The following MLIP variants were observed in gnomAD, a reference collection of about 807,000 sequenced individuals.
The protein encoded by MLIP is muscular LMNA interacting protein, also known as muscular LMNA-interacting protein.
In MLIP, 79 loss-of-function variants were observed where a neutral mutation model predicts 84.8. The observed-to-expected ratio is 0.93, with a 90% CI of 0.78 to 1.12. The LOEUF (loss-of-function observed/expected upper bound fraction) is 1.12. MLIP is among the 50% of genes most tolerant of loss of function. The pLI, the probability that MLIP is intolerant of heterozygous loss-of-function variation, is 0.00. For missense variants in MLIP, 1,257 were observed against 1,160.6 expected, an observed-to-expected ratio of 1.08 and a Z score of -1.21; for synonymous variants, 504 against 463.0, an observed-to-expected ratio of 1.09 and a Z score of -1.14.
At chr6:54,172,295 T>G (rs1411078420) in intron 9 of MLIP, among the ~76,000 whole-genome samples, 1 of 151,700 alleles carries the variant, frequency 6.6e-6, no homozygotes, top group South Asian at 2.1e-4. Flanking sequence ...AATCTATGGA[T>G]CAAGACTATA....
rs562627009 is a variant in MLIP at position 54,067,199 on chromosome 6, G to A, written c.63+48108G>A. Among the ~76,000 whole-genome samples the A allele has an allele frequency of 8.7e-4, 88 of 100,700 alleles. 34 individuals carry two copies. Among genetic ancestry groups the A allele is most frequent in the Admixed American group, 1.4e-3 (15 of 10,822 alleles). The allele number at this position is 100,700 out of a possible 152,430, so 66.1% of individuals were successfully genotyped here. On this transcript the variant is annotated intron_variant, in intron 1 of 12. Coordinates refer to the MLIP transcript ENST00000274897. ...GGGGGATTAATGGGAGAACTATCAC[G>A]AATTTTAAAATTCATGAGTTGGTAT...
At chr6:54,234,089 G>C (rs1781198458) in intron 12 of MLIP, among the ~76,000 whole-genome samples, 1 of 151,948 alleles carries the variant, frequency 6.6e-6, no homozygotes, top group Non-Finnish European at 1.5e-5. Context: ...TGTAGATTCT[G>C]GATATTAGCC....
At chr6:54,239,669 C>T (rs1046232125) in intron 12 of MLIP, among the ~76,000 whole-genome samples, 1 of 151,182 alleles carries the variant, frequency 6.6e-6, no homozygotes, top group Non-Finnish European at 1.5e-5. Flanking sequence ...TGCCTGTAGT[C>T]CCAGCTACTA....
chr6:54,044,380 CCA>C, intron 1 of MLIP, among the ~76,000 whole-genome samples: 1 of 152,310 alleles, frequency 6.6e-6, no homozygotes, highest in South Asian at 2.1e-4. Flanking sequence ...TGATGTGGCA[CCA>C]CATTCTTTTC....
intron 11 of MLIP, among the ~76,000 whole-genome samples, chr6:54,228,217 G>GGC (rs1780735987): frequency 1.2e-5 from 1 of 83,004 alleles, no homozygotes. Context: ...AAAAAAAAGA[G>GGC]AAAGAAAAAA....
intron 1 of MLIP, among the ~76,000 whole-genome samples, chr6:54,037,469 A>T (rs1764509440): frequency 6.6e-6 from 1 of 151,484 alleles, no homozygotes; most frequent in African/African-American, 2.4e-5. Context: ...GAGAGGGAGA[A>T]AGAGAGAGAG....
intron 1 of MLIP, among the ~76,000 whole-genome samples, chr6:54,093,369 T>TATTCTATTCTATTCCATTCTATTCC (rs1561923890): frequency 1.4e-4 from 21 of 151,748 alleles, no homozygotes; most frequent in African/African-American, 4.4e-4. Context: ...TATTCTATTC[T>TATTCTATTCTATTCCATTCTATTCC]ATTCTATTCT....
intron 4 of MLIP, among the ~76,000 whole-genome samples, chr6:54,146,453 G>A (rs565035172): frequency 2.0e-5 from 3 of 152,314 alleles, no homozygotes; most frequent in South Asian, 2.1e-4. Flanking sequence ...GGTGAAGGAA[G>A]CAATATAATT....
intron 12 of MLIP, among the ~76,000 whole-genome samples, chr6:54,244,624 C>T (rs1322519444): frequency 6.6e-6 from 1 of 152,146 alleles, no homozygotes; most frequent in East Asian, 1.9e-4. Flanking sequence ...AAGAGCATTT[C>T]AACAGAATAC....
At chr6:54,084,040 A>G (rs866127590) in intron 1 of MLIP, among the ~76,000 whole-genome samples, 1 of 152,198 alleles carries the variant, frequency 6.6e-6, no homozygotes, top group Non-Finnish European at 1.5e-5. Flanking sequence ...TAATGATTTG[A>G]TCTTGAAATA....
At chr6:54,096,334 T>C (rs1376631759) in intron 1 of MLIP, among the ~76,000 whole-genome samples, 3 of 152,174 alleles carry the variant, frequency 2.0e-5, no homozygotes, top group Non-Finnish European at 4.4e-5. Flanking sequence ...ATTGGTACTT[T>C]GGAAAGAGAA....
chr6:54,234,029 C>A lies in MLIP; in HGVS notation c.2922+3112C>A, dbSNP rs927039626. Among the ~76,000 whole-genome samples the A allele has an allele frequency of 1.9e-4, 29 of 152,252 alleles. No homozygotes were observed. The South Asian group carries it at 3.3e-3, about 17-fold the overall frequency. ...AGTTTCTGTTCATATCCTTTGCCCA[C>A]TTTTTGATGGGGTTGTTTGTTTTTT... is the stretch of plus-strand genomic sequence containing the variant. On this transcript the variant is annotated intron_variant, in intron 12 of 13. Transcript: ENST00000502396.
In MLIP at chr6:54,072,914, T is replaced by C. The variant is rs1766573811; in HGVS notation, c.64-48533T>C. Among the ~76,000 whole-genome samples the C allele has an allele frequency of 2.0e-5, 3 of 152,230 alleles. 1 individual carries two copies. The South Asian group carries it at 6.2e-4, about 32-fold the overall frequency. ...AGATACTTTTCAAGCATTCCTTTTT[T>C]CTTCTTCTGCCTCAGGGACTGTTGT... On this transcript the variant is annotated intron_variant, in intron 1 of 12. Transcript: ENST00000274897.
chr6:54,134,091 A>G (rs1468602535), intron 3 of MLIP, among the ~76,000 whole-genome samples: 1 of 152,106 alleles, frequency 6.6e-6, no homozygotes, highest in Non-Finnish European at 1.5e-5. Flanking sequence ...TGGTAGAGGA[A>G]GAAGAGATGG....
chr6:54,181,189 T>C (rs937928550), intron 9 of MLIP, among the ~76,000 whole-genome samples: 2 of 152,090 alleles, frequency 1.3e-5, no homozygotes, highest in Admixed American at 6.5e-5. Context: ...GATGTTCTAT[T>C]TCTCTGAAGC....
intron 12 of MLIP, among the ~76,000 whole-genome samples, chr6:54,250,783 C>T (rs1016720243): frequency 1.4e-4 from 22 of 152,194 alleles, no homozygotes; most frequent in South Asian, 1.2e-3. Context: ...TCCATATTCA[C>T]TCATCATGCT....
At chr6:54,059,497 A>C (rs568545959) in intron 1 of MLIP, among the ~76,000 whole-genome samples, 1 of 152,284 alleles carries the variant, frequency 6.6e-6, no homozygotes, top group East Asian at 1.9e-4. Context: ...AATATTCAAT[A>C]AATAGGATGT....
At chr6:54,074,632 G>T (rs975117095) in intron 1 of MLIP, among the ~76,000 whole-genome samples, 2 of 152,084 alleles carry the variant, frequency 1.3e-5, no homozygotes, top group African/African-American at 4.8e-5. Context: ...ACTACTGCAT[G>T]CTATAAAGTA....
intron 1 of MLIP, among the ~76,000 whole-genome samples, chr6:54,049,933 C>T (rs994579239): frequency 3.9e-5 from 6 of 152,080 alleles, no homozygotes; most frequent in African/African-American, 1.4e-4. Context: ...CAACATTGTA[C>T]GTACTCTGGT....
Sources: gnomAD v4.1 joint callset for allele counts (sites outside exome capture counted in the v4.1 genomes callset) on GRCh38, gnomAD v4.1.1 for gene constraint, MANE v1.5 for transcripts, NCBI Gene and HGNC (gene_info 2026-07-23, HGNC 2026-07-21) for gene names.